The following MAF variants were observed in gnomAD, a reference collection of about 807,000 sequenced individuals.
The protein encoded by MAF is MAF bZIP transcription factor, also known as transcription factor Maf.
In MAF, 10 loss-of-function variants were observed where a neutral mutation model predicts 22.0. The ratio of observed to expected loss-of-function variants is 0.45; its 90% CI spans 0.28 to 0.77. The LOEUF is 0.77. MAF is among the 30% of genes least tolerant of loss of function. The pLI is 0.12. For missense variants in MAF, 544 were observed against 548.4 expected (o/e 0.99, Z 0.08); for synonymous variants, 337 against 255.8 (o/e 1.32, Z -3.03).
At chr16:79,528,418 T>A in the MAF span, among the ~76,000 whole-genome samples, 1 of 152,152 alleles carries the variant, frequency 6.6e-6, no homozygotes. Context: ...CAGGAAATCA[T>A]CCTGCTCTTG....
the MAF span, among the ~76,000 whole-genome samples, chr16:79,499,825 CAT>C: frequency 6.6e-6 from 1 of 152,220 alleles, no homozygotes; most frequent in African/African-American, 2.4e-5. Flanking sequence ...TCCCCAAAAA[CAT>C]ATGTCCATGT....
the MAF span, among the ~76,000 whole-genome samples, chr16:79,301,862 T>G: frequency 6.6e-5 from 10 of 152,360 alleles, no homozygotes; most frequent in South Asian, 6.2e-4. Flanking sequence ...ACTACACTAT[T>G]ATCTGTATGT....
the MAF span, among the ~76,000 whole-genome samples, chr16:79,464,584 T>G: frequency 1.3e-5 from 2 of 152,150 alleles, no homozygotes; most frequent in African/African-American, 4.8e-5. Flanking sequence ...GTCTGCAGAG[T>G]AGACTCAGCC....
chr16:79,212,672 C>CTGAAGTTTGTATTGTTTCTTT, the MAF span: 1 of 152,158 alleles, frequency 6.6e-6, no homozygotes, highest in African/African-American at 2.4e-5. Context: ...ATATCATCAC[C>CTGAAGTTTGTATTGTTTCTTT]TGAAGTTTGT....
chr16:79,208,881 A>G, the MAF span, among the ~76,000 whole-genome samples: 2 of 152,214 alleles, frequency 1.3e-5, no homozygotes, highest in Non-Finnish European at 2.9e-5. Context: ...GTATGGGACC[A>G]ACAAGATATT....
chr16:79,392,469 G>A, the MAF span, among the ~76,000 whole-genome samples: 1 of 147,724 alleles, frequency 6.8e-6, no homozygotes, highest in Non-Finnish European at 1.5e-5. Flanking sequence ...AGGGAGTGAT[G>A]AGAGAAGGAG....
chr16:79,425,216 C>T, the MAF span, among the ~76,000 whole-genome samples: 22 of 152,228 alleles, frequency 1.4e-4, no homozygotes, highest in Non-Finnish European at 2.6e-4. Context: ...GGTACATTCC[C>T]ATCTATTTGA....
At chr16:79,259,197 C>A in the MAF span, among the ~76,000 whole-genome samples, 1 of 152,170 alleles carries the variant, frequency 6.6e-6, no homozygotes, top group Non-Finnish European at 1.5e-5. Context: ...GACTTACCTT[C>A]TCCCTTCCTG....
chr16:79,591,136 G>A (rs73587061), downstream of MAF, among the ~76,000 whole-genome samples: 718 of 152,230 alleles, frequency 4.7e-3, 8 homozygotes, highest in African/African-American at 0.017. Context: ...CTAACGGAAA[G>A]GACCAACCAC....
the MAF span, among the ~76,000 whole-genome samples, chr16:79,494,257 T>C: frequency 4.7e-4 from 71 of 152,314 alleles, no homozygotes; most frequent in Non-Finnish European, 8.2e-4. Context: ...GCTATGTTTC[T>C]TCCTGGAGGC....
chr16:79,396,835 C>T, the MAF span, among the ~76,000 whole-genome samples: 3 of 152,230 alleles, frequency 2.0e-5, no homozygotes, highest in Admixed American at 6.5e-5. Flanking sequence ...AATTTGCAGC[C>T]GAACTTAGGA....
the MAF span, among the ~76,000 whole-genome samples, chr16:79,292,958 T>C: frequency 6.6e-6 from 1 of 152,168 alleles, no homozygotes; most frequent in African/African-American, 2.4e-5. Flanking sequence ...AACCCTCAGT[T>C]CTGGGAGTTG....
At chr16:79,391,346 G>A in the MAF span, among the ~76,000 whole-genome samples, 4 of 151,996 alleles carry the variant, frequency 2.6e-5, no homozygotes, top group Non-Finnish European at 5.9e-5. Flanking sequence ...GATTTTTGGG[G>A]GGCTTTTCTC....
At chr16:79,399,253 G>A in the MAF span, among the ~76,000 whole-genome samples, 20 of 152,296 alleles carry the variant, frequency 1.3e-4, no homozygotes, top group Non-Finnish European at 2.5e-4. Context: ...AGCATTATGG[G>A]CTGTGCTAAG....
At chr16:79,339,044 A>T in the MAF span, among the ~76,000 whole-genome samples, 341 of 151,710 alleles carry the variant, frequency 2.2e-3, 5 homozygotes, top group Middle Eastern at 6.8e-3. Context: ...AGGCTTTTTA[A>T]TTTTTTATTT....
the MAF span, among the ~76,000 whole-genome samples, chr16:79,481,588 C>T: frequency 4.6e-5 from 7 of 151,982 alleles, no homozygotes; most frequent in African/African-American, 1.7e-4. Context: ...ATCTATTCGC[C>T]CATCCATCAA....
the MAF span, among the ~76,000 whole-genome samples, chr16:79,526,764 T>G: frequency 6.6e-5 from 10 of 152,226 alleles, no homozygotes; most frequent in Non-Finnish European, 1.0e-4. Flanking sequence ...ATGGACAATT[T>G]CAAGCTACTT....
At chr16:79,567,074 C>A in the MAF span, among the ~76,000 whole-genome samples, 1 of 152,192 alleles carries the variant, frequency 6.6e-6, no homozygotes, top group Non-Finnish European at 1.5e-5. Flanking sequence ...AATGCCAGCA[C>A]TTTGGGAGGC....
the MAF span, among the ~76,000 whole-genome samples, chr16:79,302,667 A>G: frequency 6.6e-6 from 1 of 152,362 alleles, no homozygotes; most frequent in Non-Finnish European, 1.5e-5. Context: ...AAACAGCACA[A>G]ATCCCCCTGC....
Sources: allele counts gnomAD v4.1 joint callset (sites outside exome capture counted in the v4.1 genomes callset), GRCh38; gene constraint gnomAD v4.1.1; transcripts MANE v1.5; gene names NCBI Gene and HGNC (gene_info 2026-07-23, HGNC 2026-07-21).